The following LTBP1 variants were observed in gnomAD, a reference collection of about 807,000 sequenced individuals.
LTBP1 encodes the protein latent-transforming growth factor beta-binding protein 1.
Under a neutral mutation model 207.6 loss-of-function variants are expected in LTBP1, and 129 were observed. That is an observed-to-expected ratio of 0.62 (90% confidence interval 0.54 to 0.72). The LOEUF (loss-of-function observed/expected upper bound fraction) is 0.72, where lower values mean the gene tolerates loss of function less well. LTBP1 is among the 30% of genes least tolerant of loss of function. The pLI is 0.00. For missense variants in LTBP1, 2,281 were observed against 2,217.2 expected, an observed-to-expected ratio of 1.03 and a Z score of -0.58; for synonymous variants, 963 against 833.7, an observed-to-expected ratio of 1.16 and a Z score of -2.67.
In LTBP1 at chr2:33,186,865, A is replaced by G. The variant is rs748706302; in HGVS notation, c.1211A>G (p.His404Arg). 1.2e-6 allele frequency: 2 copies of G among 1,613,724 alleles called. No homozygotes were observed. Among genetic ancestry groups the G allele is most frequent in the Non-Finnish European group, 8.5e-7 (1 of 1,179,624 alleles). ...TATNFRVVIC[H>R]LPCMNGGQCS... Reference sequence around the variant, plus strand: ...CTCTTTTCCCTTTTAGTAATTTGCCATCTTCCATGTATGAATGGTGGCCAG... The same window carrying G: ...CTCTTTTCCCTTTTAGTAATTTGCCGTCTTCCATGTATGAATGGTGGCCAG... Residue 404 changes from histidine to arginine, a missense_variant, in exon 6 of 34, where the codon CAT (histidine) becomes CGT (arginine). His to Arg is a conservative substitution (Grantham distance 29). Transcript: ENST00000404816.
intron 7 of LTBP1, among the ~76,000 whole-genome samples, chr2:33,208,865 ATT>A (rs3053310): frequency 0.01 from 1,170 of 112,944 alleles, 9 homozygotes; most frequent in Middle Eastern, 0.038. Context: ...TCTTGCTACT[ATT>A]TTTTTTTTTT....
intron 5 of LTBP1, among the ~76,000 whole-genome samples, chr2:33,182,525 G>C (rs1002234598): frequency 1.3e-5 from 2 of 151,172 alleles, no homozygotes; most frequent in Admixed American, 1.3e-4. Context: ...AGCCAGGTGT[G>C]GTGGCAGGTG....
intron 24 of LTBP1, among the ~76,000 whole-genome samples, chr2:33,319,828 C>T (rs1161744922): frequency 3.3e-5 from 5 of 152,212 alleles, no homozygotes; most frequent in Admixed American, 6.5e-5. Flanking sequence ...TGGCACTTTT[C>T]CCTCTGGTGT....
intron 24 of LTBP1, among the ~76,000 whole-genome samples, chr2:33,337,648 A>C (rs1239235255): frequency 6.6e-6 from 1 of 152,246 alleles, no homozygotes; most frequent in African/African-American, 2.4e-5. Flanking sequence ...TAGACAAATC[A>C]CGCCTGTAAT....
chr2:33,068,099 A>G (rs940061127), intron 3 of LTBP1, among the ~76,000 whole-genome samples: 3 of 142,232 alleles, frequency 2.1e-5, no homozygotes, highest in Non-Finnish European at 1.5e-5. Flanking sequence ...ATTTTCAGAG[A>G]TGAAATATGT....
chr2:33,322,462 T>C (rs1162304769), intron 24 of LTBP1, among the ~76,000 whole-genome samples: 3 of 152,234 alleles, frequency 2.0e-5, no homozygotes, highest in African/African-American at 7.2e-5. Context: ...CAGTTACTTT[T>C]TAGACATGTG....
At chr2:33,091,233 C>G (rs218182) in intron 3 of LTBP1, among the ~76,000 whole-genome samples, 91,973 of 151,986 alleles carry the variant, frequency 0.61, 29,074 homozygotes, top group East Asian at 0.98. Flanking sequence ...GTGTCATCTC[C>G]TCCCATGGAC....
intron 2 of LTBP1, among the ~76,000 whole-genome samples, chr2:33,013,073 G>A (rs1006611434): frequency 6.6e-6 from 1 of 152,032 alleles, no homozygotes; most frequent in Non-Finnish European, 1.5e-5. Flanking sequence ...GGCACAAATA[G>A]CGCTGCTGTG....
chr2:32,968,917 A>ATTT (rs61065758), intron 2 of LTBP1, among the ~76,000 whole-genome samples: 40,747 of 107,020 alleles, frequency 0.38, 8,279 homozygotes, highest in Non-Finnish European at 0.47. Context: ...GTGTGTGTGT[A>ATTT]TTTTTTTTTT....
At chr2:33,276,363 C>G (rs1163150856) in intron 18 of LTBP1, among the ~76,000 whole-genome samples, 1 of 152,172 alleles carries the variant, frequency 6.6e-6, no homozygotes, top group Non-Finnish European at 1.5e-5. Flanking sequence ...ACAGACTCCC[C>G]AAGAAGCATG....
At chr2:33,258,461 C>T (rs1181589360) in intron 12 of LTBP1, among the ~76,000 whole-genome samples, 2 of 152,014 alleles carry the variant, frequency 1.3e-5, no homozygotes. Context: ...GGCTTTTTTT[C>T]TGAGCTCTGA....
intron 4 of LTBP1, among the ~76,000 whole-genome samples, chr2:33,118,193 A>AAC (rs964187986): frequency 2.0e-5 from 3 of 149,370 alleles, no homozygotes; most frequent in South Asian, 2.2e-4. Flanking sequence ...TTGTGTGCAA[A>AAC]AAAAAAAAAA....
intron 2 of LTBP1, among the ~76,000 whole-genome samples, chr2:32,977,758 T>C (rs1682046595): frequency 6.6e-6 from 1 of 152,146 alleles, no homozygotes; most frequent in African/African-American, 2.4e-5. Flanking sequence ...CTGTGTTGAC[T>C]CCAGATAGGC....
chr2:32,951,249 G>T (rs1328133786), intron 2 of LTBP1, among the ~76,000 whole-genome samples: 1 of 152,212 alleles, frequency 6.6e-6, no homozygotes, highest in Non-Finnish European at 1.5e-5. Context: ...GCATTCAGAA[G>T]ATTAACCTTC....
chr2:33,248,366 A>G (rs2149859550), intron 10 of LTBP1, among the ~76,000 whole-genome samples: 1 of 152,280 alleles, frequency 6.6e-6, no homozygotes, highest in Middle Eastern at 3.4e-3. Flanking sequence ...TCCAACAGTC[A>G]TACAGTCCAT....
intron 19 of LTBP1, among the ~76,000 whole-genome samples, chr2:33,282,025 A>G (rs1002813072): frequency 1.3e-5 from 2 of 149,930 alleles, no homozygotes; most frequent in African/African-American, 2.4e-5. Flanking sequence ...GTTCTTCAAT[A>G]TAAATAATAC....
chr2:33,205,068 C>T (rs2089727043), intron 7 of LTBP1, among the ~76,000 whole-genome samples: 1 of 152,186 alleles, frequency 6.6e-6, no homozygotes, highest in Non-Finnish European at 1.5e-5. Flanking sequence ...TTTCTGCAAT[C>T]TTAGACACCA....
intron 7 of LTBP1, among the ~76,000 whole-genome samples, chr2:33,196,170 A>G (rs2088538591): frequency 6.6e-6 from 1 of 152,178 alleles, no homozygotes; most frequent in Non-Finnish European, 1.5e-5. Flanking sequence ...TGAACCCACA[A>G]CATATCTGAG....
intron 3 of LTBP1, among the ~76,000 whole-genome samples, chr2:33,085,599 T>A (rs892448360): frequency 2.0e-5 from 3 of 152,246 alleles, no homozygotes; most frequent in Admixed American, 6.5e-5. Context: ...ATTATCTTAT[T>A]CATCCTGACA....
Sources: allele counts gnomAD v4.1 joint callset (sites outside exome capture counted in the v4.1 genomes callset), GRCh38; gene constraint gnomAD v4.1.1; transcripts MANE v1.5; gene names NCBI Gene and HGNC (gene_info 2026-07-23, HGNC 2026-07-21).